The following SEL1L2 variants were observed in gnomAD, a reference collection of about 807,000 sequenced individuals.
SEL1L2 encodes the protein protein sel-1 homolog 2.
In SEL1L2, 89 loss-of-function variants were observed where a neutral mutation model predicts 98.8. The ratio of observed to expected loss-of-function variants is 0.90; its 90% CI spans 0.76 to 1.07. The LOEUF is 1.07. Ranked by LOEUF, SEL1L2 falls within the 50% of genes least tolerant of loss-of-function variation. The probability of loss-of-function intolerance (pLI) is 0.00; values close to 1 mark genes in which losing one functional copy is unlikely to be tolerated. For missense variants in SEL1L2, 788 were observed against 812.0 expected (o/e 0.97, Z 0.36); for synonymous variants, 262 against 278.5 (o/e 0.94, Z 0.59).
rs935074298 is a variant in SEL1L2, at chr20:13,905,635, A to G, written c.549+8147T>C. 5.9e-5 allele frequency among the ~76,000 whole-genome samples: 9 copies of G among 152,086 alleles called. No homozygotes were observed. The South Asian group carries it at 1.7e-3, about 28-fold the overall frequency. On this transcript the variant is annotated intron_variant, in intron 5 of 19. Coordinates refer to ENST00000284951, the MANE Select transcript of SEL1L2 (RefSeq NM_025229.2). Reference sequence around the variant, plus strand: ...GGCCTGTCCTATACCTTAATACTTGAGCATTGTCACTTACCAACTTTACAA... The same window carrying G: ...GGCCTGTCCTATACCTTAATACTTGGGCATTGTCACTTACCAACTTTACAA...
chr20:13,879,752 T>C (rs768034639), intron 10 of SEL1L2, among the ~76,000 whole-genome samples: 2 of 152,212 alleles, frequency 1.3e-5, no homozygotes, highest in African/African-American at 4.8e-5. Context: ...CCTGGAATCA[T>C]CCAAGTGTCA....
chr20:13,979,822 C>T (rs565748843), intron 1 of SEL1L2, among the ~76,000 whole-genome samples: 4 of 152,056 alleles, frequency 2.6e-5, no homozygotes, highest in Admixed American at 2.0e-4. Context: ...AAATATAACC[C>T]CAAAAAGCAT....
At chr20:13,955,311 T>C (rs1168926208) in intron 2 of SEL1L2, among the ~76,000 whole-genome samples, 1 of 151,870 alleles carries the variant, frequency 6.6e-6, no homozygotes, top group East Asian at 1.9e-4. Flanking sequence ...TAGAGAGTGA[T>C]TGTAAATTTA....
chr20:13,939,665 C>CTTT (rs3042764), intron 2 of SEL1L2, among the ~76,000 whole-genome samples: 1 of 138,590 alleles, frequency 7.2e-6, no homozygotes, highest in East Asian at 2.1e-4. Flanking sequence ...CACCCTTATT[C>CTTT]TTTTTTTTTT....
intron 2 of SEL1L2, among the ~76,000 whole-genome samples, chr20:13,954,455 T>A (rs1336641187): frequency 6.6e-6 from 1 of 152,116 alleles, no homozygotes; most frequent in African/African-American, 2.4e-5. Context: ...CTTGGGCCAA[T>A]GGAATTGAGT....
At chr20:13,869,622 G>C in intron 13 of SEL1L2, 32 bp from the exon 14 acceptor site, 8 of 1,553,612 alleles carry the variant, frequency 5.1e-6, no homozygotes, top group Non-Finnish European at 7.1e-6. Flanking sequence ...TTACTCAAAG[G>C]CACAAGTAAA....
At chr20:13,905,859 C>CTTTTTCTTT (rs1039507224) in intron 5 of SEL1L2, among the ~76,000 whole-genome samples, 2 of 140,102 alleles carry the variant, frequency 1.4e-5, no homozygotes, top group African/African-American at 2.6e-5. Context: ...AGACTTATTT[C>CTTTTTCTTT]TTTTTCTTTT....
chr20:13,939,040 GTTTTT>G (rs386365633), intron 2 of SEL1L2, among the ~76,000 whole-genome samples: 3 of 114,068 alleles, frequency 2.6e-5, no homozygotes, highest in African/African-American at 1.0e-4. Flanking sequence ...TGCTTGTTTT[GTTTTT>G]TTTTTTTTTT....
intron 2 of SEL1L2, among the ~76,000 whole-genome samples, chr20:13,950,292 A>T (rs1355298201): frequency 1.3e-5 from 2 of 152,210 alleles, no homozygotes; most frequent in African/African-American, 4.8e-5. Context: ...ACTGAGCTGT[A>T]CATTTAAAAA....
chr20:13,850,258 A>G lies in SEL1L2; in HGVS notation c.1880T>C (p.Ile627Thr). The change falls in exon 19 of 20, where the codon ATA (isoleucine) becomes ACA (threonine). Residue 627 changes from isoleucine (I) to threonine (T), a missense_variant. Coordinates refer to ENST00000284951, the MANE Select transcript of SEL1L2 (RefSeq NM_025229.2). Reference protein sequence around the residue: ...MAAQTSPDAHIPVLFAVMKLE... With the variant: ...MAAQTSPDAHTPVLFAVMKLE... ...TTTCATGACGGCAAAGAGCACAGGTATGTGGGCATCTGGACTCGTTTGAGC... is the reference window on the plus strand; with the variant it reads ...TTTCATGACGGCAAAGAGCACAGGTGTGTGGGCATCTGGACTCGTTTGAGC... 1 of 1,614,112 alleles carries G rather than the reference A, an allele frequency of 6.2e-7. No homozygotes were observed. The highest frequency in any genetic ancestry group is 8.5e-7 in the Non-Finnish European group (1 of 1,179,948).
intron 1 of SEL1L2, among the ~76,000 whole-genome samples, chr20:13,985,278 T>A (rs2052106852): frequency 1.3e-5 from 2 of 152,202 alleles, no homozygotes; most frequent in African/African-American, 4.8e-5. Context: ...TCCAGCCTCA[T>A]AAGTTGCTTC....
At chr20:13,851,130 G>A (rs1202818684) in intron 18 of SEL1L2, among the ~76,000 whole-genome samples, 3 of 151,988 alleles carry the variant, frequency 2.0e-5, no homozygotes, top group Non-Finnish European at 1.5e-5. Context: ...CCAGTTATTT[G>A]GCACGAGAAT....
intron 4 of SEL1L2, among the ~76,000 whole-genome samples, chr20:13,916,812 A>G (rs548108229): frequency 1.3e-5 from 2 of 152,224 alleles, no homozygotes; most frequent in East Asian, 3.9e-4. Flanking sequence ...TCTCAAAAAA[A>G]GGTGGCGGGG....
rs1007389663 is a variant in SEL1L2 at position 13,955,528 on chromosome 20, C to T, written c.114+548G>A. On this transcript the variant is annotated intron_variant, in intron 2 of 19. Transcript: ENST00000284951. Reference sequence around the variant, plus strand: ...AGCTGATATCAGAGAAAAAAAACCACGAGGGCAAGACCATAGAGCCTAATA... The same window carrying T: ...AGCTGATATCAGAGAAAAAAAACCATGAGGGCAAGACCATAGAGCCTAATA... Among the ~76,000 whole-genome samples, 8 of 152,168 alleles carry T rather than the reference C, an allele frequency of 5.3e-5. 1 individual carries two copies. Among genetic ancestry groups the T allele is most frequent in the Middle Eastern group, 3.4e-3 (1 of 294 alleles).
chr20:13,876,229 C>G, intron 11 of SEL1L2, 114 bp from the exon 12 acceptor site: 1 of 744,964 alleles, frequency 1.3e-6, no homozygotes, highest in South Asian at 1.5e-5. Flanking sequence ...GTAGTAAATG[C>G]CACTGTAAAT....
chr20:13,934,631 G>T (rs1393324340), intron 2 of SEL1L2, among the ~76,000 whole-genome samples: 1 of 150,114 alleles, frequency 6.7e-6, no homozygotes, highest in Non-Finnish European at 1.5e-5. Context: ...TAGATACCCA[G>T]TAGTGGGGTT....
intron 12 of SEL1L2, among the ~76,000 whole-genome samples, 192 bp from the exon 13 acceptor site, chr20:13,870,395 G>A (rs2046128569): frequency 6.6e-6 from 1 of 152,188 alleles, no homozygotes. Flanking sequence ...AGGGAAGAGG[G>A]AAACAGAAGT....
chr20:13,853,193 C>G (rs1988555084), intron 18 of SEL1L2, among the ~76,000 whole-genome samples: 1 of 152,026 alleles, frequency 6.6e-6, no homozygotes, highest in Non-Finnish European at 1.5e-5. Flanking sequence ...ATATATTCCG[C>G]TAGCCTATAA....
chr20:13,977,648 A>G (rs982913897), intron 1 of SEL1L2, among the ~76,000 whole-genome samples: 11 of 152,302 alleles, frequency 7.2e-5, no homozygotes, highest in East Asian at 5.8e-4. Flanking sequence ...AAAGAACTCA[A>G]TGAAGCTGAG....
Sources: allele counts gnomAD v4.1 joint callset (sites outside exome capture counted in the v4.1 genomes callset), GRCh38; gene constraint gnomAD v4.1.1; transcripts MANE v1.5; gene names NCBI Gene and HGNC (gene_info 2026-07-23, HGNC 2026-07-21).